Variants in CUL4A observed in about 807,000 individuals in gnomAD.
CUL4A encodes the protein cullin-4A.
In CUL4A, 16 loss-of-function variants were observed where a neutral mutation model predicts 95.5. The ratio of observed to expected loss-of-function variants is 0.17; its 90% CI spans 0.11 to 0.25. The LOEUF (loss-of-function observed/expected upper bound fraction) is 0.25. Among genes scored for constraint, CUL4A ranks in the 10% least tolerant of loss-of-function variants. CUL4A has a pLI of 1.00. For missense variants in CUL4A, 610 were observed against 937.0 expected, an observed-to-expected ratio of 0.65 and a Z score of 4.56; for synonymous variants, 380 against 353.1, an observed-to-expected ratio of 1.08 and a Z score of -0.85.
At position 113,232,298 on chromosome 13, in the gene CUL4A, G is replaced by A. The variant is rs111591439; in HGVS notation, c.513-879G>A. ...ACTATTACTGCTGCCACCACTACCC[G>A]CCCACCACTATTACTGCTGCTGCCA... On this transcript the variant is annotated intron_variant, in intron 5 of 19. Coordinates refer to ENST00000375440, the MANE Select transcript of CUL4A (RefSeq NM_001008895.4). Among the ~76,000 whole-genome samples the A allele has an allele frequency of 6.2e-4, 90 of 144,350 alleles. 4 individuals are homozygous for A. The highest frequency in any genetic ancestry group is 2.2e-3 in the East Asian group (11 of 4,990). The allele number at this position is 144,350 out of a possible 152,430, so 94.7% of individuals were successfully genotyped here. A position where few individuals can be genotyped will look rare whatever the true frequency, so the allele number is the denominator to read the frequency against.
intron 3 of CUL4A, among the ~76,000 whole-genome samples, chr13:113,223,523 G>A (rs140654751): frequency 0.01 from 1,536 of 152,186 alleles, 16 homozygotes; most frequent in Non-Finnish European, 0.015. Flanking sequence ...TCAGCCTCCC[G>A]AGTAGCTGGG....
Position 113,264,483 on chromosome 13 carries a change from A to C in CUL4A, c.*901A>C, listed in dbSNP as rs574822791. 5 of 152,294 alleles carry C rather than the reference A, an allele frequency of 3.3e-5. No homozygotes were observed. Among genetic ancestry groups the C allele is most frequent in the African/African-American group, 9.7e-5 (4 of 41,434 alleles). The allele number at this position is 152,294 out of a possible 1,614,324, so 9.4% of individuals were successfully genotyped here. On this transcript the variant is annotated 3_prime_UTR_variant, in exon 20 of 20. Coordinates refer to ENST00000375440, the MANE Select transcript of CUL4A (RefSeq NM_001008895.4). ...ACTGTAAAAAGTTTATGGAGACTTA[A>C]AGTCTTGATGTTGTGAAGCAGAGGT...
chr13:113,243,750 A>C (rs9549710), intron 11 of CUL4A, among the ~76,000 whole-genome samples: 31,216 of 152,054 alleles, frequency 0.21, 3,862 homozygotes, highest in South Asian at 0.43. Context: ...CAAAATGTTT[A>C]AAAGAAAAAA....
At chr13:113,248,234 C>T (rs2041905698) in intron 15 of CUL4A, among the ~76,000 whole-genome samples, 1 of 152,048 alleles carries the variant, frequency 6.6e-6, no homozygotes, top group Non-Finnish European at 1.5e-5. Context: ...TGATTTTTAC[C>T]TGGTGAATGG....
At chr13:113,242,392 A>C (rs1189650662) in intron 10 of CUL4A, among the ~76,000 whole-genome samples, 1 of 152,264 alleles carries the variant, frequency 6.6e-6, no homozygotes, top group East Asian at 1.9e-4. Context: ...GTCTTGGAGG[A>C]ACTTACACAT....
intron 14 of CUL4A, 22 bp from the exon 15 acceptor site, chr13:113,245,920 TTCTCAAAATGATTG>T: frequency 6.9e-7 from 1 of 1,448,240 alleles, no homozygotes. Context: ...TTTTATTACT[TTCTCAAAATGATTG>T]TCTTGGATTT....
At chr13:113,244,627 T>G in intron 12 of CUL4A, 113 bp downstream of exon 12, 1 of 743,608 alleles carries the variant, frequency 1.3e-6, no homozygotes, top group Non-Finnish European at 2.3e-6. Flanking sequence ...CAGTTTGCAT[T>G]AGAATGAACA....
chr13:113,243,223 A>G (rs1274517050), intron 11 of CUL4A, 63 bp downstream of exon 11: 1 of 1,469,148 alleles, frequency 6.8e-7, no homozygotes, highest in Non-Finnish European at 9.3e-7. Flanking sequence ...ATTTCTAGAC[A>G]ATTTTTTAAT....
chr13:113,208,911 G>A, upstream of CUL4A: 1 of 1,371,818 alleles, frequency 7.3e-7, no homozygotes, highest in Non-Finnish European at 9.4e-7. Flanking sequence ...GGGGTCCAGT[G>A]GCGAGGACAG....
At chr13:113,213,233 T>A (rs2040518481) in intron 2 of CUL4A, among the ~76,000 whole-genome samples, 1 of 152,008 alleles carries the variant, frequency 6.6e-6, no homozygotes, top group Non-Finnish European at 1.5e-5. Flanking sequence ...ACAAAAAATT[T>A]AAAAATTAGC....
chr13:113,237,306 A>G (rs2139207568), intron 9 of CUL4A, among the ~76,000 whole-genome samples: 1 of 152,310 alleles, frequency 6.6e-6, no homozygotes, highest in Non-Finnish European at 1.5e-5. Context: ...TCACCTGCGG[A>G]CTTCGTGCAT....
At chr13:113,215,083 G>T (rs1364133619) in intron 2 of CUL4A, among the ~76,000 whole-genome samples, 3 of 151,064 alleles carry the variant, frequency 2.0e-5, no homozygotes, top group Non-Finnish European at 2.9e-5. Flanking sequence ...TGACTGTGGA[G>T]GTCGCGTCCC....
At chr13:113,216,196 G>A (rs9549694) in intron 2 of CUL4A, among the ~76,000 whole-genome samples, 34,184 of 151,772 alleles carry the variant, frequency 0.23, 4,785 homozygotes, top group East Asian at 0.55. Flanking sequence ...GGCTGTGGAG[G>A]TCTCTGTGTG....
At chr13:113,214,541 T>C (rs897047036) in intron 2 of CUL4A, among the ~76,000 whole-genome samples, 4 of 151,296 alleles carry the variant, frequency 2.6e-5, no homozygotes, top group African/African-American at 9.7e-5. Flanking sequence ...GAGAGAGAGG[T>C]GTGGCCTCCC....
chr13:113,219,076 C>G (rs773069082), intron 3 of CUL4A, 28 bp downstream of exon 3: 9 of 1,413,274 alleles, frequency 6.4e-6, no homozygotes, highest in Non-Finnish European at 7.9e-6. Context: ...CATAAAGTTT[C>G]TATTCATTAT....
intron 9 of CUL4A, 86 bp from the exon 10 acceptor site, chr13:113,239,347 G>A (rs201622635): frequency 8.5e-5 from 98 of 1,153,898 alleles, no homozygotes; most frequent in Non-Finnish European, 1.0e-4. Flanking sequence ...GTGTATTGAC[G>A]TTCTTCTGGT....
At chr13:113,225,272 G>T (rs367895172) in intron 3 of CUL4A, among the ~76,000 whole-genome samples, 18 of 152,206 alleles carry the variant, frequency 1.2e-4, no homozygotes, top group African/African-American at 4.1e-4. Flanking sequence ...TCACATCCTG[G>T]AATTACTTGC....
At chr13:113,210,284 G>A (rs1188477902) in intron 2 of CUL4A, among the ~76,000 whole-genome samples, 196 bp downstream of exon 2, 1 of 152,226 alleles carries the variant, frequency 6.6e-6, no homozygotes, top group Non-Finnish European at 1.5e-5. Context: ...TTGTTTTCAG[G>A]CTTAAGCTGC....
Position 113,236,804 on chromosome 13 carries a change from T to C in CUL4A, c.849-19T>C. The C allele has an allele frequency of 1.9e-6, 3 of 1,569,016 alleles. No homozygotes were observed. Among genetic ancestry groups the C allele is most frequent in the Admixed American group, 3.5e-5 (2 of 57,230 alleles). ...CTTTAAACTTTACTTCTAACGCTTA[T>C]TCTTTTTACCTTATATAGGAAACCA... On this transcript the variant is annotated intron_variant, in intron 8 of 19. Transcript: ENST00000375440.
Sources: allele counts gnomAD v4.1 joint callset (sites outside exome capture counted in the v4.1 genomes callset), GRCh38; gene constraint gnomAD v4.1.1; transcripts MANE v1.5; gene names NCBI Gene and HGNC (gene_info 2026-07-23, HGNC 2026-07-21).